The following FARP1 variants were observed in gnomAD, a reference collection of about 807,000 sequenced individuals.
FARP1 encodes the protein FERM, ARH/RhoGEF and pleckstrin domain protein 1, also known as FERM, ARHGEF and pleckstrin domain-containing protein 1.
Under a neutral mutation model 128.8 loss-of-function variants are expected in FARP1, and 52 were observed. That is an observed-to-expected ratio of 0.40 (90% CI 0.32 to 0.51). The LOEUF (loss-of-function observed/expected upper bound fraction) is 0.51, where lower values mean the gene tolerates loss of function less well. Among genes scored for constraint, FARP1 ranks in the 20% least tolerant of loss-of-function variants. The pLI, the probability that FARP1 is intolerant of heterozygous loss-of-function variation, is 0.45. For missense variants in FARP1, 1,333 were observed against 1,367.9 expected (o/e 0.97, Z 0.40); for synonymous variants, 580 against 551.8 (o/e 1.05, Z -0.72).
At chr13:98,207,165 C>G (rs1880322646) in intron 1 of FARP1, among the ~76,000 whole-genome samples, 1 of 152,076 alleles carries the variant, frequency 6.6e-6, no homozygotes. Flanking sequence ...ACAGACTTTT[C>G]CATGTACAGC....
chr13:98,251,888 T>C (rs966339645), intron 2 of FARP1, among the ~76,000 whole-genome samples: 6 of 152,154 alleles, frequency 3.9e-5, no homozygotes, highest in Admixed American at 3.3e-4. Context: ...ATTCACTCTG[T>C]TGCCCAGGGT....
At chr13:98,400,414 GCTCT>G (rs1170841943) in intron 13 of FARP1, 4 of 152,214 alleles carry the variant, frequency 2.6e-5, no homozygotes, top group Non-Finnish European at 4.4e-5. Flanking sequence ...TGTGCACACA[GCTCT>G]CTGTTTCATA....
intron 2 of FARP1, among the ~76,000 whole-genome samples, chr13:98,321,376 A>G (rs904705326): frequency 6.6e-6 from 1 of 152,218 alleles, no homozygotes; most frequent in Non-Finnish European, 1.5e-5. Context: ...TACATATCAA[A>G]GCGTGAAGTT....
At chr13:98,273,378 A>C (rs1233764348) in intron 2 of FARP1, among the ~76,000 whole-genome samples, 6 of 152,184 alleles carry the variant, frequency 3.9e-5, no homozygotes, top group African/African-American at 1.4e-4. Context: ...CTGTTTTGCG[A>C]ATCTTATGAT....
chr13:98,452,503 T>C lies in FARP1; in HGVS notation c.*4186T>C, dbSNP rs1177184756. On this transcript the variant is annotated 3_prime_UTR_variant, in exon 27 of 27. Transcript: ENST00000319562. ...ATTTGTTGAGGTACAAATAGGAGTGTTCTGTAAGAGAGGGGCATTAATTAT... is the reference window on the plus strand; with the variant it reads ...ATTTGTTGAGGTACAAATAGGAGTGCTCTGTAAGAGAGGGGCATTAATTAT... 6.6e-6 allele frequency: 1 copy of C among 152,606 alleles called. No homozygotes were observed. The highest frequency in any genetic ancestry group is 2.4e-5 in the African/African-American group (1 of 41,424). 9.5% of individuals were successfully genotyped at this position (152,606 alleles called of 1,614,324 possible). A position where few individuals can be genotyped will look rare whatever the true frequency, so the allele number is the denominator to read the frequency against.
chr13:98,278,168 A>AGTGTGTGTGTGT (rs1291047216), intron 2 of FARP1, among the ~76,000 whole-genome samples: 23 of 131,588 alleles, frequency 1.7e-4, no homozygotes, highest in African/African-American at 6.8e-4. Flanking sequence ...TGTATGAGTG[A>AGTGTGTGTGTGT]GTGAGTGTGT....
At chr13:98,295,734 T>G (rs1170823496) in intron 2 of FARP1, among the ~76,000 whole-genome samples, 1 of 152,212 alleles carries the variant, frequency 6.6e-6, no homozygotes, top group Non-Finnish European at 1.5e-5. Context: ...TTCAGATTTG[T>G]TAACATCTGC....
At chr13:98,273,859 C>T (rs1475010009) in intron 2 of FARP1, among the ~76,000 whole-genome samples, 1 of 152,162 alleles carries the variant, frequency 6.6e-6, no homozygotes, top group Non-Finnish European at 1.5e-5. Context: ...GGATTTGAAC[C>T]TAGGTTTGCC....
intron 1 of FARP1, among the ~76,000 whole-genome samples, chr13:98,164,071 T>G (rs926612034): frequency 1.3e-5 from 2 of 151,450 alleles, no homozygotes; most frequent in African/African-American, 4.9e-5. Flanking sequence ...ATTGCTGGAT[T>G]GCTTGACTGT....
intron 1 of FARP1, among the ~76,000 whole-genome samples, chr13:98,155,682 C>G (rs1306062974): frequency 6.6e-6 from 1 of 152,084 alleles, no homozygotes; most frequent in African/African-American, 2.4e-5. Flanking sequence ...CCACACCTCA[C>G]TAATTTTTGT....
At chr13:98,287,022 G>A (rs1415696861) in intron 2 of FARP1, among the ~76,000 whole-genome samples, 1 of 151,948 alleles carries the variant, frequency 6.6e-6, no homozygotes, top group Non-Finnish European at 1.5e-5. Flanking sequence ...TTTAATCTTT[G>A]CATGTGTTTT....
At chr13:98,437,623 C>T in intron 19 of FARP1, 1 of 570,102 alleles carries the variant, frequency 1.8e-6, no homozygotes, top group Non-Finnish European at 3.1e-6. Context: ...TTGCGTTTTT[C>T]TATCAGCCAA....
intron 2 of FARP1, among the ~76,000 whole-genome samples, chr13:98,219,360 CTTTT>C (rs772970842): frequency 6.9e-6 from 1 of 144,958 alleles, no homozygotes; most frequent in Non-Finnish European, 1.5e-5. Flanking sequence ...ATTAAAAAGT[CTTTT>C]TTTTTTTTGA....
At chr13:98,322,954 G>A (rs76226900) in intron 2 of FARP1, among the ~76,000 whole-genome samples, 10 of 152,234 alleles carry the variant, frequency 6.6e-5, no homozygotes, top group East Asian at 1.9e-4. Context: ...ATTTGCATTC[G>A]TAATAGGAAG....
intron 13 of FARP1, chr13:98,397,968 T>C (rs1345011658): frequency 6.8e-6 from 1 of 146,344 alleles, no homozygotes; most frequent in East Asian, 2.0e-4. Flanking sequence ...TACAAAATTA[T>C]TGAAAAGAGT....
rs1282345995 is a variant in FARP1 at position 98,154,398 on chromosome 13, AT to A, written c.-24+10907del. Among the ~76,000 whole-genome samples the A allele has an allele frequency of 1.6e-4, 25 of 152,338 alleles. 1 individual carries two copies. Among genetic ancestry groups the A allele is most frequent in the African/African-American group, 5.1e-4 (21 of 41,572 alleles). On this transcript the variant is annotated intron_variant, in intron 1 of 26. Coordinates refer to ENST00000319562, the MANE Select transcript of FARP1 (RefSeq NM_005766.4). Reference sequence around the variant, plus strand: ...GTTATATATTTTTTTAACCAAAAAAATATAGAGAAAAACATCTTTAAGAAGG... The same window carrying A: ...GTTATATATTTTTTTAACCAAAAAAAATAGAGAAAAACATCTTTAAGAAGG...
intron 20 of FARP1, 78 bp downstream of exon 20, chr13:98,438,950 C>G (rs1892409632): frequency 1.2e-5 from 19 of 1,531,772 alleles, no homozygotes; most frequent in Non-Finnish European, 1.7e-5. Flanking sequence ...GGACCTCGGC[C>G]ACCCAAGTGA....
rs1236957299 is a variant in FARP1, at chr13:98,454,601, T to C, written c.*6284T>C. The stretch of plus-strand genomic sequence containing the variant: ...ATGTCACACAAAAGAATCCAAACAT[T>C]AATTCCAGCTGAGACAGAAAGGCTC... On this transcript the variant is annotated 3_prime_UTR_variant, in exon 27 of 27. Coordinates refer to ENST00000319562, the MANE Select transcript of FARP1 (RefSeq NM_005766.4). 6.6e-6 allele frequency: 1 copy of C among 152,164 alleles called. No individual in the cohort carries two copies. Among genetic ancestry groups the C allele is most frequent in the African/African-American group, 2.4e-5 (1 of 41,416 alleles). 9.4% of individuals were successfully genotyped at this position (152,164 alleles called of 1,614,324 possible).
In FARP1 at chr13:98,448,519, G is replaced by C. The variant is rs1893006334; in HGVS notation, c.*202G>C. 2 of 575,354 alleles carry C rather than the reference G, an allele frequency of 3.5e-6. No homozygotes were observed. The highest frequency in any genetic ancestry group is 5.9e-5 in the East Asian group (2 of 34,072). The allele number at this position is 575,354 out of a possible 1,614,324, so 35.6% of individuals were successfully genotyped here. On this transcript the variant is annotated 3_prime_UTR_variant, in exon 27 of 27. Coordinates refer to ENST00000319562, the MANE Select transcript of FARP1 (RefSeq NM_005766.4). ...AACAGCGCTCCCACCTCCAGTCCTGGCATCCGCTGGGGGCGCTGTTCTTTA... is the reference window on the plus strand; with the variant it reads ...AACAGCGCTCCCACCTCCAGTCCTGCCATCCGCTGGGGGCGCTGTTCTTTA...
Sources: gnomAD v4.1 joint callset for allele counts (sites outside exome capture counted in the v4.1 genomes callset) on GRCh38, gnomAD v4.1.1 for gene constraint, MANE v1.5 for transcripts, NCBI Gene and HGNC (gene_info 2026-07-23, HGNC 2026-07-21) for gene names.